The following IRF4 variants were observed in gnomAD, a reference collection of about 807,000 sequenced individuals.
The protein encoded by IRF4 is lymphocyte-specific interferon regulatory factor.
In IRF4, 13 loss-of-function variants were observed where a neutral mutation model predicts 55.5. That is an observed-to-expected ratio of 0.23 (90% CI 0.15 to 0.37). The LOEUF (loss-of-function observed/expected upper bound fraction) is 0.37, where lower values mean the gene tolerates loss of function less well. IRF4 is among the 10% of genes least tolerant of loss of function. The pLI is 1.00. For synonymous variants in IRF4, 249 were observed against 240.7 expected (o/e 1.03, Z -0.32); for missense variants, 397 against 593.8 (o/e 0.67, Z 3.44).
At chr6:404,931 C>G in intron 7 of IRF4, 87 bp from the exon 8 acceptor site, 7 of 808,562 alleles carry the variant, frequency 8.7e-6, no homozygotes, top group Non-Finnish European at 1.1e-5. Context: ...TGTTCAGAAT[C>G]ACAGTAAGCT....
At position 407,285 on chromosome 6, in the gene IRF4, C is replaced by T. The variant is rs555276393; in HGVS notation, c.1213-170C>T. Among the ~76,000 whole-genome samples the T allele has an allele frequency of 4.2e-4, 64 of 152,270 alleles. 1 individual carries two copies. The highest frequency in any genetic ancestry group is 1.4e-3 in the African/African-American group (60 of 41,554). On this transcript the variant is annotated intron_variant, in intron 8 of 8. Transcript: ENST00000380956. ...TTTTACATGTTGATCTATGGAAGGA[C>T]TAACCAAAAAATTGCTTCTTTAGAT... is the stretch of plus-strand genomic sequence containing the variant.
At position 410,568 on chromosome 6, in the gene IRF4, C is replaced by T. The variant is rs898607921; in HGVS notation, c.*2970C>T. The stretch of plus-strand genomic sequence containing the variant: ...GTGTTTGAAAAAGCTGGTCTTTGAG[C>T]GAGGGCATAAATACAGCTAGCCCCA... On this transcript the variant is annotated 3_prime_UTR_variant, in exon 9 of 9. Transcript: ENST00000380956. The T allele has an allele frequency of 3.5e-5, 8 of 230,122 alleles. No homozygotes were observed. The highest frequency in any genetic ancestry group is 1.3e-3 in the Middle Eastern group (1 of 798). The allele number at this position is 230,122 out of a possible 1,614,324, so 14.3% of individuals were successfully genotyped here.
intron 6 of IRF4, 45 bp from the exon 7 acceptor site, chr6:401,379 G>A (rs375273531): frequency 6.8e-7 from 1 of 1,468,940 alleles, no homozygotes; most frequent in Non-Finnish European, 9.4e-7. Context: ...CCTCGAGGTG[G>A]TGTCCTTGGC....
In IRF4 at chr6:393,957, C is replaced by A. The variant is rs533236904; in HGVS notation, c.216+589C>A. The stretch of plus-strand genomic sequence containing the variant: ...GTCTCTGTCTCTCTCTTTCCCCCAT[C>A]GCAGTGGAACTCAGGGCCTCTGTCT... On this transcript the variant is annotated intron_variant, in intron 2 of 8. Transcript: ENST00000380956. The surrounding 1 kb of genome is among the most constrained non-coding windows in gnomAD (Gnocchi z 5.4). 2.0e-5 allele frequency among the ~76,000 whole-genome samples: 3 copies of A among 152,172 alleles called. No homozygotes were observed. Among genetic ancestry groups the A allele is most frequent in the African/African-American group, 7.2e-5 (3 of 41,436 alleles).
rs1761191870 is a variant in IRF4, at chr6:393,972, G to A, written c.216+604G>A. On this transcript the variant is annotated intron_variant, in intron 2 of 8. Transcript: ENST00000380956. The surrounding 1 kb of genome is among the most constrained non-coding windows in gnomAD (Gnocchi z 5.4). The stretch of plus-strand genomic sequence containing the variant: ...TTTCCCCCATCGCAGTGGAACTCAG[G>A]GCCTCTGTCTAGAGCTGTCTCCCTT... Among the ~76,000 whole-genome samples, 2 of 152,082 alleles carry A rather than the reference G, an allele frequency of 1.3e-5. No homozygotes were observed. The highest frequency in any genetic ancestry group is 4.2e-4 in the South Asian group (2 of 4,812).
Position 393,809 on chromosome 6 carries a change from T to C in IRF4, c.216+441T>C, listed in dbSNP as rs1162961321. ...GTTTTCGTCTCTCACCGCGTCTCTGTTTCTCTTTTCGCTGCTTTTCTCTCT... is the reference window on the plus strand; with the variant it reads ...GTTTTCGTCTCTCACCGCGTCTCTGCTTCTCTTTTCGCTGCTTTTCTCTCT... On this transcript the variant is annotated intron_variant, in intron 2 of 8. Coordinates refer to ENST00000380956, the MANE Select transcript of IRF4 (RefSeq NM_002460.4). This position sits in a 1 kb window ranked among gnomAD's most constrained non-coding sequence, Gnocchi z 5.4. Among the ~76,000 whole-genome samples, 2 of 151,414 alleles carry C rather than the reference T, an allele frequency of 1.3e-5. No individual in the cohort carries two copies. Among genetic ancestry groups the C allele is most frequent in the Admixed American group, 1.3e-4 (2 of 15,272 alleles).
Position 409,014 on chromosome 6 carries a change from TG to T in IRF4, c.*1420del. Reference sequence around the variant, plus strand: ...GTTTTGAGAAAGTACAGCAGTAGACTGGGGCGTCACCTCCAGGCCGTTTCTC... The same window carrying T: ...GTTTTGAGAAAGTACAGCAGTAGACTGGGCGTCACCTCCAGGCCGTTTCTC... On this transcript the variant is annotated 3_prime_UTR_variant, in exon 9 of 9. Coordinates refer to ENST00000380956, the MANE Select transcript of IRF4 (RefSeq NM_002460.4). 4.5e-6 allele frequency: 1 copy of T among 222,970 alleles called. No homozygotes were observed. The highest frequency in any genetic ancestry group is 9.0e-6 in the Non-Finnish European group (1 of 111,420). 13.8% of individuals were successfully genotyped at this position (222,970 alleles called of 1,614,324 possible). A position where few individuals can be genotyped will look rare whatever the true frequency, so the allele number is the denominator to read the frequency against.
chr6:394,321 C>A (rs1761200434), intron 2 of IRF4, among the ~76,000 whole-genome samples: 1 of 152,226 alleles, frequency 6.6e-6, no homozygotes, highest in African/African-American at 2.4e-5. Context: ...AATGTGTCTT[C>A]AACTTGGCAG....
At chr6:394,590 A>G (rs977662507) in intron 2 of IRF4, among the ~76,000 whole-genome samples, 5 of 152,186 alleles carry the variant, frequency 3.3e-5, no homozygotes, top group Non-Finnish European at 7.3e-5. Context: ...AAAAATAATA[A>G]TTAAAAAAAT....
rs748516736 is a variant in IRF4 at position 407,575 on chromosome 6, C to T, written c.1333C>T (p.Arg445Cys). 17 of 1,607,186 alleles carry T rather than the reference C, an allele frequency of 1.1e-5. No individual in the cohort carries two copies. Among genetic ancestry groups the T allele is most frequent in the East Asian group, 8.9e-5 (4 of 44,866 alleles). ...TCCAGAAGATTACCACAGATCTATC[C>T]GCCATTCCTCTATTCAAGAATGAAA... is the stretch of plus-strand genomic sequence containing the variant. ...SNPEDYHRSI[R>C]HSSIQE Residue 445 changes from arginine to cysteine, a missense_variant, in exon 9 of 9, where the codon CGC becomes TGC. Physicochemically the swap from Arg to Cys is radical, Grantham distance 180. Transcript: ENST00000380956.
chr6:397,764 G>A (rs190444916), intron 5 of IRF4, among the ~76,000 whole-genome samples: 1 of 152,162 alleles, frequency 6.6e-6, no homozygotes, highest in Non-Finnish European at 1.5e-5. Flanking sequence ...GATTAGATGT[G>A]GTCCCCTGCC....
chr6:393,483 G>C lies in IRF4; in HGVS notation c.216+115G>C, dbSNP rs903905103. 41 of 702,550 alleles carry C rather than the reference G, an allele frequency of 5.8e-5. No homozygotes were observed. Among genetic ancestry groups the C allele is most frequent in the Non-Finnish European group, 7.4e-5 (37 of 497,198 alleles). The allele number at this position is 702,550 out of a possible 1,614,324, so 43.5% of individuals were successfully genotyped here. A position where few individuals can be genotyped will look rare whatever the true frequency, so the allele number is the denominator to read the frequency against. The stretch of plus-strand genomic sequence containing the variant: ...AGGGGACCGCGCGGGGCGGACGGGC[G>C]GGCGGCGGAGGCATCAGGTGGCGTC... On this transcript the variant is annotated intron_variant, in intron 2 of 8. Coordinates refer to ENST00000380956, the MANE Select transcript of IRF4 (RefSeq NM_002460.4). This position sits in a 1 kb window ranked among gnomAD's most constrained non-coding sequence, Gnocchi z 5.4.
At position 393,626 on chromosome 6, in the gene IRF4, C is replaced by G. The variant is rs35128603; in HGVS notation, c.216+258C>G. ...AAACCGCTGAAGGCCCGGCCGGGCC[C>G]GGGGAAGGGCGGCCAAAGGCTTGAG... On this transcript the variant is annotated intron_variant, in intron 2 of 8. Transcript: ENST00000380956. The surrounding 1 kb of genome is among the most constrained non-coding windows in gnomAD (Gnocchi z 5.4). Among the ~76,000 whole-genome samples, 1 of 152,096 alleles carries G rather than the reference C, an allele frequency of 6.6e-6. No homozygotes were observed. Among genetic ancestry groups the G allele is most frequent in the African/African-American group, 2.4e-5 (1 of 41,428 alleles).
At chr6:395,054 C>A in intron 3 of IRF4, 47 bp downstream of exon 3, 1 of 1,376,596 alleles carries the variant, frequency 7.3e-7, no homozygotes, top group South Asian at 1.4e-5. Flanking sequence ...GCAGCCAGAT[C>A]CTTGAGGCAC....
chr6:398,995 G>A, intron 6 of IRF4, 60 bp downstream of exon 6: 2 of 1,221,390 alleles, frequency 1.6e-6, no homozygotes, highest in African/African-American at 1.5e-5. Context: ...TGCCAGCTCT[G>A]TCATCTTTGG....
At chr6:404,876 C>T in intron 7 of IRF4, 142 bp from the exon 8 acceptor site, 1 of 606,572 alleles carries the variant, frequency 1.6e-6, no homozygotes, top group Non-Finnish European at 2.9e-6. Context: ...ATGTTCACAT[C>T]AAGAGCCCCA....
intron 6 of IRF4, among the ~76,000 whole-genome samples, chr6:400,771 C>T (rs1761375537): frequency 7.7e-6 from 1 of 130,684 alleles, no homozygotes. Context: ...GCACCTAATT[C>T]TATATATAAT....
At position 410,854 on chromosome 6, in the gene IRF4, CTGAA is replaced by C. The variant is rs1232299185; in HGVS notation, c.*3259_*3262del. ...GTCCTCTGTGGCCAGCTGCATCTGT[CTGAA>C]TGGTGCGTGAAGGCTCTCAGACCTT... On this transcript the variant is annotated 3_prime_UTR_variant, in exon 9 of 9. Coordinates refer to ENST00000380956, the MANE Select transcript of IRF4 (RefSeq NM_002460.4). The C allele has an allele frequency of 8.6e-6, 2 of 232,462 alleles. No individual in the cohort carries two copies. The highest frequency in any genetic ancestry group is 4.4e-5 in the African/African-American group (2 of 45,288). The allele number at this position is 232,462 out of a possible 1,614,324, so 14.4% of individuals were successfully genotyped here. A position where few individuals can be genotyped will look rare whatever the true frequency, so the allele number is the denominator to read the frequency against.
chr6:403,623 A>C (rs796984828), intron 7 of IRF4, among the ~76,000 whole-genome samples: 273 of 151,980 alleles, frequency 1.8e-3, no homozygotes, highest in African/African-American at 6.0e-3. Flanking sequence ...ACTTACTATT[A>C]ATCTGTGAGC....
Sources: allele counts gnomAD v4.1 joint callset (sites outside exome capture counted in the v4.1 genomes callset), GRCh38; gene constraint gnomAD v4.1.1; non-coding constraint Gnocchi (gnomAD v3.1); transcripts MANE v1.5; gene names NCBI Gene and HGNC (gene_info 2026-07-23, HGNC 2026-07-21).